Variants in SPEF1 observed in about 807,000 individuals in gnomAD.
The protein encoded by SPEF1 is sperm flagella and cilia-associated protein 1.
A neutral mutation model predicts 31.8 loss-of-function variants in SPEF1; 30 were observed. The ratio of observed to expected loss-of-function variants is 0.94; its 90% CI spans 0.70 to 1.28. The LOEUF is 1.28. Among genes scored for constraint, SPEF1 ranks in the 50% most tolerant of loss-of-function variants. The pLI, the probability that SPEF1 is intolerant of heterozygous loss-of-function variation, is 0.00. For synonymous variants in SPEF1, 126 were observed against 130.1 expected (o/e 0.97, Z 0.21); for missense variants, 298 against 309.6 (o/e 0.96, Z 0.28).
rs778583141 is a variant in SPEF1 at position 3,779,399 on chromosome 20, A to G, written c.222-47T>C. On this transcript the variant is annotated intron_variant, in intron 2 of 6. Transcript: ENST00000379756. ...AGCAGATTGGGTCCTGGGGAAATGA[A>G]GCGAGGGGATGGGGGAGAGGGAAGG... 47 of 1,503,466 alleles carry G rather than the reference A, an allele frequency of 3.1e-5. No homozygotes were observed. The East Asian group carries it at 1.0e-3, about 32-fold the overall frequency. 93.1% of individuals were successfully genotyped at this position (1,503,466 alleles called of 1,614,324 possible).
chr20:3,780,459 C>T (rs2146636504), intron 1 of SPEF1, among the ~76,000 whole-genome samples: 1 of 148,034 alleles, frequency 6.8e-6, no homozygotes, highest in East Asian at 2.0e-4. Context: ...CACTCCAACA[C>T]CAAAGTTCCA....
rs2088760702 is a variant in SPEF1, at chr20:3,778,605, G to A, written c.480-61C>T. 7 of 1,556,704 alleles carry A rather than the reference G, an allele frequency of 4.5e-6. No individual in the cohort carries two copies. The South Asian group carries it at 4.6e-5, about 10-fold the overall frequency. On this transcript the variant is annotated intron_variant, in intron 5 of 6. Coordinates refer to ENST00000379756, the MANE Select transcript of SPEF1 (RefSeq NM_015417.5). Reference sequence around the variant, plus strand: ...TCGGGCCCTACACTCACCCTTCCAGGGCCCTCGACCAGGCCTTCCCTTCTC... The same window carrying A: ...TCGGGCCCTACACTCACCCTTCCAGAGCCCTCGACCAGGCCTTCCCTTCTC...
chr20:3,780,551 C>G (rs1197443760), intron 1 of SPEF1, among the ~76,000 whole-genome samples: 1 of 151,892 alleles, frequency 6.6e-6, no homozygotes, highest in African/African-American at 2.4e-5. Context: ...AATGTGTAGA[C>G]ACATAGAACA....
At chr20:3,781,100 C>G in intron 1 of SPEF1, 79 bp downstream of exon 1, 1 of 1,577,324 alleles carries the variant, frequency 6.3e-7, no homozygotes, top group Non-Finnish European at 8.7e-7. Context: ...CACAAGCACA[C>G]AAACACAAAG....
chr20:3,778,865 T>TC lies in SPEF1; in HGVS notation c.419-60dup, dbSNP rs527590643. 120 of 1,610,502 alleles carry TC rather than the reference T, an allele frequency of 7.5e-5. No individual in the cohort carries two copies. The African/African-American group carries it at 1.4e-3, about 19-fold the overall frequency. On this transcript the variant is annotated intron_variant, in intron 4 of 6. Transcript: ENST00000379756. ...GGAGTCTCATTCTCCTGCTTCCCCC[T>TC]CCCTACTTCCACTCTCACAAGTGAC...
chr20:3,781,076 T>C (rs1022096164), intron 1 of SPEF1, 103 bp downstream of exon 1: 4 of 1,514,470 alleles, frequency 2.6e-6, no homozygotes, highest in Non-Finnish European at 3.6e-6. Context: ...AGGAGGCAGA[T>C]TCCTCCCCAC....
At position 3,778,794 on chromosome 20, in the gene SPEF1, T is replaced by C; in HGVS notation, c.431A>G (p.Lys144Arg). 6.2e-7 allele frequency: 1 copy of C among 1,613,990 alleles called. No individual in the cohort carries two copies. The highest frequency in any genetic ancestry group is 8.5e-7 in the Non-Finnish European group (1 of 1,179,978). ...GTCCGGGACACCTTCACCTCGGGCCTTCTGGGATACACCTGAGACAAGGCA... is the reference window on the plus strand; with the variant it reads ...GTCCGGGACACCTTCACCTCGGGCCCTCTGGGATACACCTGAGACAAGGCA... ...SGYMDVGVSQ[K>R]ARGEGVPDPQ... is the part of the protein sequence containing the mutation. Residue 144 changes from lysine to arginine, a missense_variant, in exon 5 of 7, where the codon AAG becomes AGG. Coordinates refer to ENST00000379756, the MANE Select transcript of SPEF1 (RefSeq NM_015417.5).
rs2088776694 is a variant in SPEF1 at position 3,781,113 on chromosome 20, T to A, written c.109+66A>T. 1.1e-5 allele frequency: 18 copies of A among 1,590,048 alleles called. 1 individual carries two copies. In the South Asian group the frequency reaches 2.0e-4, roughly 18 times the overall value. On this transcript the variant is annotated intron_variant, in intron 1 of 6. Transcript: ENST00000379756. Reference sequence around the variant, plus strand: ...CCCACAAGCACACAAACACAAAGAGTTTGCACAGAGACCCGTTACACACGA... The same window carrying A: ...CCCACAAGCACACAAACACAAAGAGATTGCACAGAGACCCGTTACACACGA...
chr20:3,778,555 A>C lies in SPEF1; in HGVS notation c.480-11T>G, dbSNP rs1444358782. On this transcript the variant is annotated splice_polypyrimidine_tract_variant and intron_variant, in intron 5 of 6. Coordinates refer to ENST00000379756, the MANE Select transcript of SPEF1 (RefSeq NM_015417.5). ...GGCGGCCGGTCCCAGCTGGGGTGGG[A>C]AGCAGCTTAGCGGAGGCTTGGACCT... 2 of 1,600,072 alleles carry C rather than the reference A, an allele frequency of 1.2e-6. No individual in the cohort carries two copies. Among genetic ancestry groups the C allele is most frequent in the Non-Finnish European group, 1.7e-6 (2 of 1,175,936 alleles).
chr20:3,778,738 T>G lies in SPEF1; in HGVS notation c.479+8A>C. The G allele has an allele frequency of 6.2e-7, 1 of 1,613,600 alleles. No individual in the cohort carries two copies. Reference sequence around the variant, plus strand: ...CCTGGTGAAGTCTGGAACTCCCAGCTTCTTTACCTGAGCTGACCCCCTCCC... The same window carrying G: ...CCTGGTGAAGTCTGGAACTCCCAGCGTCTTTACCTGAGCTGACCCCCTCCC... On this transcript the variant is annotated splice_region_variant and intron_variant, in intron 5 of 6. Coordinates refer to ENST00000379756, the MANE Select transcript of SPEF1 (RefSeq NM_015417.5).
chr20:3,779,068 C>T (rs2088764256), intron 3 of SPEF1, 78 bp from the exon 4 acceptor site: 1 of 1,606,880 alleles, frequency 6.2e-7, no homozygotes, highest in Non-Finnish European at 8.5e-7. Context: ...CCACGGGCCC[C>T]CAGGCCAGGC....
rs941757564 is a variant in SPEF1 at position 3,779,233 on chromosome 20, C to T, written c.341G>A (p.Arg114Lys). 6.3e-7 allele frequency: 1 copy of T among 1,587,306 alleles called. No homozygotes were observed. Among genetic ancestry groups the T allele is most frequent in the Non-Finnish European group, 8.6e-7 (1 of 1,165,136 alleles). Residue 114 changes from arginine to lysine, a missense_variant, in exon 3 of 7, where the codon AGG (arginine) becomes AAG (lysine). Coordinates refer to ENST00000379756, the MANE Select transcript of SPEF1 (RefSeq NM_015417.5). ...LIPLRQRLEE[R>K]QRRRKQGAGS... is the part of the protein sequence containing the mutation. ...GGCGCCCTGCTTCCTGCGCCTCTGC[C>T]TCTCCTCCAGGCGCTGCCTCAGCGG...
At chr20:3,779,390 G>A (rs536790376) in intron 2 of SPEF1, 38 bp from the exon 3 acceptor site, 1 of 1,547,886 alleles carries the variant, frequency 6.5e-7, no homozygotes, top group Non-Finnish European at 8.8e-7. Flanking sequence ...TTGGGTCCTG[G>A]GGAAATGAAG....
At chr20:3,779,064 G>A in intron 3 of SPEF1, 74 bp from the exon 4 acceptor site, 4 of 1,607,780 alleles carry the variant, frequency 2.5e-6, no homozygotes, top group Non-Finnish European at 3.4e-6. Context: ...CCTTCCACGG[G>A]CCCCCAGGCC....
chr20:3,777,951 TC>T lies in SPEF1; in HGVS notation c.*260del. 2.2e-6 allele frequency: 1 copy of T among 462,238 alleles called. No homozygotes were observed. The highest frequency in any genetic ancestry group is 3.0e-5 in the South Asian group (1 of 33,650). The allele number at this position is 462,238 out of a possible 1,614,324, so 28.6% of individuals were successfully genotyped here. ...AGGTCTCTGCACGTGGCTTCTGGGC[TC>T]TGGAAAGCGGTCCATTCTCCTGACC... On this transcript the variant is annotated 3_prime_UTR_variant, in exon 7 of 7. Transcript: ENST00000379756. This position sits in a 1 kb window ranked among gnomAD's most constrained non-coding sequence, Gnocchi z 4.1.
intron 4 of SPEF1, 64 bp from the exon 5 acceptor site, chr20:3,778,870 A>G: frequency 6.2e-7 from 1 of 1,609,510 alleles, no homozygotes; most frequent in South Asian, 1.1e-5. Context: ...CCCCCTCCCT[A>G]CTTCCACTCT....
chr20:3,779,535 A>AG, intron 2 of SPEF1, 129 bp downstream of exon 2: 7 of 885,502 alleles, frequency 7.9e-6, no homozygotes, highest in Non-Finnish European at 1.3e-5. Context: ...TCCTAATAGA[A>AG]GAGTCTCTTG....
chr20:3,779,245 C>T lies in SPEF1; in HGVS notation c.329G>A (p.Arg110His), dbSNP rs1251512015. 4 of 1,590,584 alleles carry T rather than the reference C, an allele frequency of 2.5e-6. No homozygotes were observed. Among genetic ancestry groups the T allele is most frequent in the Admixed American group, 1.8e-5 (1 of 56,530 alleles). Reference sequence around the variant, plus strand: ...CCTGCGCCTCTGCCTCTCCTCCAGGCGCTGCCTCAGCGGGATGAGCACCAG... The same window carrying T: ...CCTGCGCCTCTGCCTCTCCTCCAGGTGCTGCCTCAGCGGGATGAGCACCAG... Reference protein sequence around the residue: ...VELVLIPLRQRLEERQRRRKQ... With the variant: ...VELVLIPLRQHLEERQRRRKQ... Residue 110 changes from arginine to histidine, a missense_variant, in exon 3 of 7, where the codon CGC becomes CAC. By Grantham distance (29) the Arg-to-His change is conservative. Coordinates refer to ENST00000379756, the MANE Select transcript of SPEF1 (RefSeq NM_015417.5).
chr20:3,780,686 A>C (rs1429745095), intron 1 of SPEF1, among the ~76,000 whole-genome samples: 109 of 152,300 alleles, frequency 7.2e-4, no homozygotes, highest in Non-Finnish European at 7.3e-5. Flanking sequence ...ACTTGACATG[A>C]AAAGATGACA....
Sources: allele counts gnomAD v4.1 joint callset (sites outside exome capture counted in the v4.1 genomes callset), GRCh38; gene constraint gnomAD v4.1.1; non-coding constraint Gnocchi (gnomAD v3.1); transcripts MANE v1.5; gene names NCBI Gene and HGNC (gene_info 2026-07-23, HGNC 2026-07-21).